L3MBTL1: variants seen among roughly 807,000 people sequenced by gnomAD.
L3MBTL1 encodes lethal(3)malignant brain tumor-like protein 1.
A neutral mutation model predicts 105.3 loss-of-function variants in L3MBTL1; 75 were observed. The observed-to-expected ratio is 0.71, with a 90% CI of 0.59 to 0.86. The LOEUF (loss-of-function observed/expected upper bound fraction) is 0.86, where lower values mean the gene tolerates loss of function less well. Ranked by LOEUF, L3MBTL1 falls within the 40% of genes least tolerant of loss-of-function variation. The probability of loss-of-function intolerance (pLI) is 0.00; values close to 1 mark genes in which losing one functional copy is unlikely to be tolerated. For missense variants in L3MBTL1, 1,069 were observed against 1,126.4 expected (o/e 0.95, Z 0.73); for synonymous variants, 452 against 436.2 (o/e 1.04, Z -0.45).
intron 6 of L3MBTL1, chr20:43,515,639 T>G: frequency 3.5e-6 from 2 of 574,390 alleles, no homozygotes. Context: ...CTCAGTTTAG[T>G]GTCAAGGTTA....
intron 7 of L3MBTL1, among the ~76,000 whole-genome samples, chr20:43,519,026 AG>A (rs2018563588): frequency 6.6e-6 from 1 of 150,572 alleles, no homozygotes; most frequent in African/African-American, 2.5e-5. Flanking sequence ...ACTCTGTCTC[AG>A]GGGGAAAAAA....
At chr20:43,539,979 T>G (rs908127847) in intron 19 of L3MBTL1, 172 bp from the exon 20 acceptor site, 1 of 706,882 alleles carries the variant, frequency 1.4e-6, no homozygotes, top group African/African-American at 1.7e-5. Context: ...GTGAACACTG[T>G]GTGAGGAGTC....
chr20:43,513,223 C>T (rs1338638002), intron 1 of L3MBTL1, among the ~76,000 whole-genome samples: 1 of 152,226 alleles, frequency 6.6e-6, no homozygotes, highest in Non-Finnish European at 1.5e-5. Flanking sequence ...AAAGTACCCT[C>T]ACACATGCCA....
rs2145378334 is a variant in L3MBTL1, at chr20:43,514,774, C to T, written c.500C>T (p.Ala167Val). 1 of 1,546,610 alleles carries T rather than the reference C, an allele frequency of 6.5e-7. No individual in the cohort carries two copies. The highest frequency in any genetic ancestry group is 8.7e-7 in the Non-Finnish European group (1 of 1,144,250). ...AGDGEAGPQQAEDHPQNPPED... is the reference protein window; with the variant it reads ...AGDGEAGPQQVEDHPQNPPED... ...GATGGCGAGGCGGGCCCCCAACAGGCGGGTAGGAGCCCCGCTCCCCAGGCC... is the reference window on the plus strand; with the variant it reads ...GATGGCGAGGCGGGCCCCCAACAGGTGGGTAGGAGCCCCGCTCCCCAGGCC... Residue 167 changes from alanine (A) to valine (V), a missense_variant and splice_region_variant, in exon 4 of 22, where the codon GCG becomes GTG. Ala to Val is a moderately conservative substitution (Grantham distance 64, BLOSUM62 0). Transcript: ENST00000418998.
intron 6 of L3MBTL1, among the ~76,000 whole-genome samples, chr20:43,515,720 A>C (rs2018355402): frequency 6.6e-6 from 1 of 152,258 alleles, no homozygotes; most frequent in Admixed American, 6.5e-5. Context: ...ACTGGAGTCC[A>C]GTGCCTAGGC....
Position 43,535,921 on chromosome 20 carries a change from AC to A in L3MBTL1, c.1911del (p.Tyr637Ter). 6.2e-7 allele frequency: 1 copy of A among 1,613,124 alleles called. No homozygotes were observed. Among genetic ancestry groups the A allele is most frequent in the South Asian group, 1.1e-5 (1 of 90,916 alleles). The stretch of plus-strand genomic sequence containing the variant: ...CTGCCCCACACTAGGACCTCCAAAT[AC>A]AGCTTTCACCACCGGTGAGTGAAGG... ...RSLPHTRTSK[Y>X]SFHHRKCPTP... is the part of the protein sequence containing the mutation. On this transcript the variant is annotated frameshift_variant, in exon 17 of 22. Coordinates refer to ENST00000418998, the MANE Select transcript of L3MBTL1 (RefSeq NM_001377303.1). LOFTEE classifies it high-confidence loss of function.
chr20:43,522,398 A>G (rs985561344), intron 7 of L3MBTL1, among the ~76,000 whole-genome samples: 2 of 151,060 alleles, frequency 1.3e-5, no homozygotes, highest in African/African-American at 4.9e-5. Flanking sequence ...ATACACAAGA[A>G]TCAAACTGTA....
chr20:43,535,689 A>G, intron 16 of L3MBTL1, 148 bp from the exon 17 acceptor site: 1 of 588,520 alleles, frequency 1.7e-6, no homozygotes, highest in South Asian at 2.4e-5. Flanking sequence ...ATCCAGTAAC[A>G]CAGAATGGTG....
At chr20:43,524,489 T>C (rs1697596646) in intron 7 of L3MBTL1, among the ~76,000 whole-genome samples, 1 of 152,214 alleles carries the variant, frequency 6.6e-6, no homozygotes, top group African/African-American at 2.4e-5. Flanking sequence ...GATTATTATG[T>C]AACCATATAA....
At position 43,535,919 on chromosome 20, in the gene L3MBTL1, A is replaced by T; in HGVS notation, c.1908A>T (p.Lys636Asn). 1 of 1,613,332 alleles carries T rather than the reference A, an allele frequency of 6.2e-7. No homozygotes were observed. Among genetic ancestry groups the T allele is most frequent in the Non-Finnish European group, 8.5e-7 (1 of 1,179,602 alleles). ...GCCTGCCCCACACTAGGACCTCCAA[A>T]TACAGCTTTCACCACCGGTGAGTGA... ...YRSLPHTRTSKYSFHHRKCPT... is the reference protein window; with the variant it reads ...YRSLPHTRTSNYSFHHRKCPT... Residue 636 changes from lysine (K) to asparagine (N), a missense_variant, in exon 17 of 22, where the codon AAA becomes AAT. Transcript: ENST00000418998.
At chr20:43,533,564 C>A in intron 13 of L3MBTL1, 146 bp downstream of exon 13, 1 of 654,390 alleles carries the variant, frequency 1.5e-6, no homozygotes, top group South Asian at 2.2e-5. Flanking sequence ...AGCTTCTTGG[C>A]CTGGGAGTTG....
intron 15 of L3MBTL1, 136 bp downstream of exon 15, chr20:43,534,530 G>T: frequency 2.8e-6 from 2 of 718,234 alleles, no homozygotes; most frequent in Non-Finnish European, 4.7e-6. Flanking sequence ...TGCCTCATCT[G>T]TGACTTATTT....
Position 43,513,532 on chromosome 20 carries a change from T to G in L3MBTL1, c.29T>G (p.Leu10Arg). The G allele has an allele frequency of 1.3e-6, 2 of 1,550,810 alleles. No individual in the cohort carries two copies. The highest frequency in any genetic ancestry group is 1.7e-6 in the Non-Finnish European group (2 of 1,147,036). Residue 10 changes from leucine (L) to arginine (R), a missense_variant, in exon 2 of 22, where the codon CTG (leucine) becomes CGG (arginine). Physicochemically the swap from Leu to Arg is moderately radical, Grantham distance 102. Coordinates refer to ENST00000418998, the MANE Select transcript of L3MBTL1 (RefSeq NM_001377303.1). Reference sequence around the variant, plus strand: ...GAGGGGCATGCTGAAATGGAGATGCTGAGGACACTGAAGGGGCCTTCCACA... The same window carrying G: ...GAGGGGCATGCTGAAATGGAGATGCGGAGGACACTGAAGGGGCCTTCCACA... MEGHAEMEM[L>R]RTLKGPSTGE...
intron 16 of L3MBTL1, 68 bp from the exon 17 acceptor site, chr20:43,535,769 C>T (rs2019570932): frequency 9.8e-7 from 1 of 1,019,008 alleles, no homozygotes; most frequent in Non-Finnish European, 1.5e-6. Context: ...GTGGAAACTG[C>T]TCCTTCCGTG....
At position 43,530,315 on chromosome 20, in the gene L3MBTL1, A is replaced by G. The variant is rs2019263673; in HGVS notation, c.1088A>G (p.Asp363Gly). Residue 363 changes from aspartate (D) to glycine (G), a missense_variant, in exon 10 of 22, where the codon GAT becomes GGT. By Grantham distance (94) the Asp-to-Gly change is moderately conservative (BLOSUM62 -1). Transcript: ENST00000418998. ...VCGYRLRLHF[D>G]GYSECHDFWV... ...GGCTATCGCCTACGCCTGCACTTTGATGGGTATTCTGAGTGCCATGACTTC... is the reference window on the plus strand; with the variant it reads ...GGCTATCGCCTACGCCTGCACTTTGGTGGGTATTCTGAGTGCCATGACTTC... 1 of 1,613,808 alleles carries G rather than the reference A, an allele frequency of 6.2e-7. No individual in the cohort carries two copies. The highest frequency in any genetic ancestry group is 1.3e-5 in the African/African-American group (1 of 74,838).
intron 7 of L3MBTL1, among the ~76,000 whole-genome samples, chr20:43,526,565 G>A (rs530022374): frequency 6.6e-6 from 1 of 152,348 alleles, no homozygotes; most frequent in Non-Finnish European, 1.5e-5. Flanking sequence ...TAGCTTGCTT[G>A]ATCCATTGAT....
At chr20:43,531,095 C>T in intron 11 of L3MBTL1, 2 of 570,640 alleles carry the variant, frequency 3.5e-6, no homozygotes, top group Admixed American at 3.4e-5. Context: ...TCCCGACTTC[C>T]CTCCCTCCTT....
downstream of L3MBTL1, among the ~76,000 whole-genome samples, chr20:43,543,798 T>G (rs2145502654): frequency 6.6e-6 from 1 of 152,374 alleles, no homozygotes; most frequent in South Asian, 2.1e-4. Flanking sequence ...GATGGTCTTA[T>G]GGTTGTTCTG....
intron 7 of L3MBTL1, among the ~76,000 whole-genome samples, chr20:43,524,638 A>T (rs2018922969): frequency 6.6e-6 from 1 of 152,108 alleles, no homozygotes; most frequent in Non-Finnish European, 1.5e-5. Flanking sequence ...CCATCCTTAT[A>T]GTCATTTAAC....
Sources: allele counts gnomAD v4.1 joint callset (sites outside exome capture counted in the v4.1 genomes callset), GRCh38; gene constraint gnomAD v4.1.1; transcripts MANE v1.5; gene names NCBI Gene and HGNC (gene_info 2026-07-23, HGNC 2026-07-21).